Variants in ZFHX3 observed in about 807,000 individuals in gnomAD.
ZFHX3 encodes the protein zinc finger homeobox 3.
Under a neutral mutation model 279.1 loss-of-function variants are expected in ZFHX3, and 42 were observed. That is an observed-to-expected ratio of 0.15 (90% confidence interval 0.12 to 0.19). ZFHX3 has a LOEUF of 0.19. Ranked by LOEUF, ZFHX3 falls within the 10% of genes least tolerant of loss-of-function variation. ZFHX3 has a pLI of 1.00. For synonymous variants in ZFHX3, 2,293 were observed against 1,957.8 expected, an observed-to-expected ratio of 1.17 and a Z score of -4.52; for missense variants, 4,981 against 4,754.0, an observed-to-expected ratio of 1.05 and a Z score of -1.40.
intron 2 of ZFHX3, among the ~76,000 whole-genome samples, chr16:73,512,413 A>C (rs1367660400): frequency 6.8e-6 from 1 of 146,234 alleles, no homozygotes; most frequent in Non-Finnish European, 1.5e-5. Flanking sequence ...ACTCCACTGC[A>C]CTCCAGCCTG....
intron 3 of ZFHX3, among the ~76,000 whole-genome samples, chr16:72,914,281 T>C (rs1182704197): frequency 6.6e-6 from 1 of 152,158 alleles, no homozygotes; most frequent in East Asian, 1.9e-4. Flanking sequence ...TCCGCCTTCA[T>C]CTCTATAGTG....
intron 2 of ZFHX3, among the ~76,000 whole-genome samples, chr16:73,510,442 C>T (rs1312148540): frequency 1.3e-5 from 2 of 152,170 alleles, no homozygotes; most frequent in African/African-American, 2.4e-5. Flanking sequence ...TATGACATTT[C>T]ATATGGACCA....
At chr16:73,835,926 G>T (rs1000213752) in intron 1 of ZFHX3, among the ~76,000 whole-genome samples, 3 of 152,002 alleles carry the variant, frequency 2.0e-5, no homozygotes, top group Non-Finnish European at 4.4e-5. Flanking sequence ...TCCACATCCT[G>T]GCTAGGAGCA....
intron 2 of ZFHX3, among the ~76,000 whole-genome samples, chr16:73,508,202 AAGGGGTG>A (rs1175953607): frequency 1.3e-5 from 2 of 152,186 alleles, no homozygotes; most frequent in Non-Finnish European, 2.9e-5. Context: ...CCATCTGTGA[AAGGGGTG>A]AGATGATAGG....
intron 6 of ZFHX3, chr16:73,131,207 G>A: frequency 3.0e-6 from 1 of 328,108 alleles, no homozygotes; most frequent in Non-Finnish European, 6.4e-6. Flanking sequence ...TTACATAGCA[G>A]GACCTGCAAA....
At chr16:73,823,067 G>A (rs1440595378) in intron 1 of ZFHX3, among the ~76,000 whole-genome samples, 1 of 152,206 alleles carries the variant, frequency 6.6e-6, no homozygotes, top group Non-Finnish European at 1.5e-5. Flanking sequence ...AGAGACCAGT[G>A]AAAGGGACAG....
At position 73,565,253 on chromosome 16, in the gene ZFHX3, CA is replaced by C. The variant is rs762234849; in HGVS notation, c.-1546-108996del. On this transcript the variant is annotated intron_variant, in intron 2 of 17. Transcript: ENST00000641206. ...TGAGCAACAGAGCCAGACCCCATCT[CA>C]AAAAAAAAAAAAGACATTACCCTCA... Among the ~76,000 whole-genome samples, 582 of 132,448 alleles carry C rather than the reference CA, an allele frequency of 4.4e-3. 1 individual carries two copies. Among genetic ancestry groups the C allele is most frequent in the African/African-American group, 7.7e-3 (276 of 36,028 alleles). The allele number at this position is 132,448 out of a possible 152,430, so 86.9% of individuals were successfully genotyped here.
intron 2 of ZFHX3, among the ~76,000 whole-genome samples, chr16:73,532,697 T>C (rs992431901): frequency 2.6e-5 from 4 of 152,198 alleles, no homozygotes; most frequent in Non-Finnish European, 4.4e-5. Context: ...ATAATAATTG[T>C]ACTCACCTGA....
chr16:73,168,516 G>A (rs1312243218), intron 5 of ZFHX3, among the ~76,000 whole-genome samples: 5 of 151,992 alleles, frequency 3.3e-5, no homozygotes, highest in African/African-American at 4.8e-5. Flanking sequence ...CCAGCCTCCC[G>A]TAGTGCTGGG....
rs2036383156 is a variant in ZFHX3, at chr16:72,809,751, A to T, written c.3864+1826T>A. ...CATTATAACGTGCAGTTGTGAACAG[A>T]CTACCTCTCTGGGAATCTTCACGTG... On this transcript the variant is annotated intron_variant, in intron 7 of 9. Transcript: ENST00000268489. 6 of 152,226 alleles carry T rather than the reference A, an allele frequency of 3.9e-5. No individual in the cohort carries two copies. The South Asian group carries it at 1.2e-3, about 32-fold the overall frequency. 9.4% of individuals were successfully genotyped at this position (152,226 alleles called of 1,614,324 possible).
chr16:73,486,699 T>C lies in ZFHX3; in HGVS notation c.-1546-30441A>G, dbSNP rs2018979058. On this transcript the variant is annotated intron_variant, in intron 2 of 17. Transcript: ENST00000641206. ...CAGTTTTTATTCTAGCCCAGGACTTTCCTGGTTTCCTGCTAAATCTAGGGT... is the reference window on the plus strand; with the variant it reads ...CAGTTTTTATTCTAGCCCAGGACTTCCCTGGTTTCCTGCTAAATCTAGGGT... 5.1e-5 allele frequency: 22 copies of C among 434,026 alleles called. 2 individuals carry two copies. The highest frequency in any genetic ancestry group is 3.6e-4 in the South Asian group (22 of 61,504). 26.9% of individuals were successfully genotyped at this position (434,026 alleles called of 1,614,324 possible). A position where few individuals can be genotyped will look rare whatever the true frequency, so the allele number is the denominator to read the frequency against.
At chr16:73,754,718 T>A (rs1460585456) in intron 1 of ZFHX3, among the ~76,000 whole-genome samples, 1 of 152,156 alleles carries the variant, frequency 6.6e-6, no homozygotes, top group Non-Finnish European at 1.5e-5. Flanking sequence ...TTCTACACAT[T>A]ATTTGTTTCA....
chr16:73,707,705 C>T (rs920997892), intron 1 of ZFHX3, among the ~76,000 whole-genome samples: 2 of 150,680 alleles, frequency 1.3e-5, no homozygotes, highest in African/African-American at 2.4e-5. Flanking sequence ...CAAACCTGCA[C>T]GTTGTGCACA....
At position 73,170,223 on chromosome 16, in the gene ZFHX3, G is replaced by GTTTTTTTTT. The variant is rs1156523996; in HGVS notation, c.-1103-26401_-1103-26393dup. Among the ~76,000 whole-genome samples, 131 of 57,742 alleles carry GTTTTTTTTT rather than the reference G, an allele frequency of 2.3e-3. 31 individuals carry two copies. Among genetic ancestry groups the GTTTTTTTTT allele is most frequent in the African/African-American group, 8.7e-3 (119 of 13,724 alleles). 37.9% of individuals were successfully genotyped at this position (57,742 alleles called of 152,430 possible). A position where few individuals can be genotyped will look rare whatever the true frequency, so the allele number is the denominator to read the frequency against. On this transcript the variant is annotated intron_variant, in intron 5 of 17. Transcript: ENST00000641206. ...TTTTTGAAGCATCTTCCTTTCACTAGTTTTTTTTTTTTTTTTTTTTTTTTT... is the reference window on the plus strand; with the variant it reads ...TTTTTGAAGCATCTTCCTTTCACTAGTTTTTTTTTTTTTTTTTTTTTTTTTTTTTTTTTT...
chr16:73,589,677 C>T (rs1188027491), intron 2 of ZFHX3, among the ~76,000 whole-genome samples: 1 of 123,496 alleles, frequency 8.1e-6, no homozygotes. Flanking sequence ...TTGCAGTGAG[C>T]CAAGATCGCA....
At chr16:73,805,255 G>A (rs1031688728) in intron 1 of ZFHX3, among the ~76,000 whole-genome samples, 13 of 151,952 alleles carry the variant, frequency 8.6e-5, no homozygotes, top group African/African-American at 2.2e-4. Flanking sequence ...TGTAACCTCC[G>A]CCTCCCAGGT....
intron 5 of ZFHX3, among the ~76,000 whole-genome samples, chr16:73,157,190 T>A (rs149868645): frequency 1.5e-3 from 225 of 152,268 alleles, no homozygotes; most frequent in Non-Finnish European, 2.3e-3. Flanking sequence ...TCTCCTTTAG[T>A]TCCCTTTCCT....
chr16:73,277,527 T>A (rs767731269), intron 4 of ZFHX3, among the ~76,000 whole-genome samples: 5 of 152,182 alleles, frequency 3.3e-5, no homozygotes, highest in Admixed American at 3.3e-4. Context: ...ACTCCCCAAA[T>A]TGTCGATGAA....
chr16:73,784,075 A>G (rs976980233), intron 1 of ZFHX3, among the ~76,000 whole-genome samples: 1 of 152,158 alleles, frequency 6.6e-6, no homozygotes, highest in African/African-American at 2.4e-5. Context: ...TGGTGAGGGC[A>G]GCAAATCACA....
Sources: allele counts gnomAD v4.1 joint callset (sites outside exome capture counted in the v4.1 genomes callset), GRCh38; gene constraint gnomAD v4.1.1; transcripts MANE v1.5; gene names NCBI Gene and HGNC (gene_info 2026-07-23, HGNC 2026-07-21).